MTCL1: variants seen among roughly 807,000 people sequenced by gnomAD.
MTCL1 encodes the protein microtubule cross-linking factor 1.
A neutral mutation model predicts 141.4 loss-of-function variants in MTCL1; 79 were observed. That is an observed-to-expected ratio of 0.56 (90% CI 0.47 to 0.67). The LOEUF (loss-of-function observed/expected upper bound fraction) is 0.67. Ranked by LOEUF, MTCL1 falls within the 30% of genes least tolerant of loss-of-function variation. The pLI is 0.00. For synonymous variants in MTCL1, 914 were observed against 875.8 expected, an observed-to-expected ratio of 1.04 and a Z score of -0.77; for missense variants, 2,177 against 2,113.9, an observed-to-expected ratio of 1.03 and a Z score of -0.59.
chr18:8,740,291 C>T (rs534135809), intron 4 of MTCL1, among the ~76,000 whole-genome samples: 11 of 152,268 alleles, frequency 7.2e-5, no homozygotes, highest in Non-Finnish European at 1.3e-4. Flanking sequence ...AGCTCTCTTA[C>T]TCCTATGTGT....
At chr18:8,780,474 T>C (rs1023933182) in intron 5 of MTCL1, among the ~76,000 whole-genome samples, 3 of 152,230 alleles carry the variant, frequency 2.0e-5, no homozygotes, top group African/African-American at 7.2e-5. Context: ...TGAGTTTCCT[T>C]GCAGCTGGAC....
At chr18:8,729,227 C>T (rs1356658374) in intron 4 of MTCL1, among the ~76,000 whole-genome samples, 7 of 140,334 alleles carry the variant, frequency 5.0e-5, no homozygotes, top group Non-Finnish European at 7.7e-5. Flanking sequence ...AGCTAATTTC[C>T]GTATTTTTTG....
At chr18:8,757,570 A>G (rs1205044167) in intron 4 of MTCL1, among the ~76,000 whole-genome samples, 1 of 152,182 alleles carries the variant, frequency 6.6e-6, no homozygotes, top group Non-Finnish European at 1.5e-5. Flanking sequence ...GTCACTGACA[A>G]TCAGTCAGCA....
upstream of MTCL1, among the ~76,000 whole-genome samples, chr18:8,714,411 C>T (rs2096113424): frequency 6.6e-6 from 1 of 152,090 alleles, no homozygotes; most frequent in African/African-American, 2.4e-5. Context: ...TAAATACATG[C>T]CGTTATGGTG....
At chr18:8,773,022 A>G in intron 4 of MTCL1, among the ~76,000 whole-genome samples, 2 of 152,338 alleles carry the variant, frequency 1.3e-5, no homozygotes, top group East Asian at 3.9e-4. Context: ...TGAGATGAGC[A>G]TATCAAAACA....
rs2076891098 is a variant in MTCL1, at chr18:8,822,883, TCAAA to T, written c.3188+1386_3188+1389del. On this transcript the variant is annotated intron_variant, in intron 14 of 16. Transcript: ENST00000359865. This position sits in a 1 kb window ranked among gnomAD's most constrained non-coding sequence, Gnocchi z 4.6. Reference sequence around the variant, plus strand: ...ACTCAAGCCATCAACTTTTATGCTTTCAAAAGTAACACATGCTTGTTATAAAATG... The same window carrying T: ...ACTCAAGCCATCAACTTTTATGCTTTAGTAACACATGCTTGTTATAAAATG... Among the ~76,000 whole-genome samples, 2 of 152,072 alleles carry T rather than the reference TCAAA, an allele frequency of 1.3e-5. No individual in the cohort carries two copies. Among genetic ancestry groups the T allele is most frequent in the African/African-American group, 4.8e-5 (2 of 41,390 alleles).
At chr18:8,820,912 A>G (rs1043230714) in intron 13 of MTCL1, among the ~76,000 whole-genome samples, 1 of 152,204 alleles carries the variant, frequency 6.6e-6, no homozygotes, top group Non-Finnish European at 1.5e-5. Context: ...CACAGCTATC[A>G]TTCTTCTTAA....
chr18:8,776,841 A>G (rs1474453230), intron 4 of MTCL1, among the ~76,000 whole-genome samples: 3 of 152,072 alleles, frequency 2.0e-5, no homozygotes, highest in East Asian at 3.8e-4. Flanking sequence ...AGCTCATTGC[A>G]GCCTCGAACT....
intron 1 of MTCL1, among the ~76,000 whole-genome samples, chr18:8,709,132 C>A (rs1308250285): frequency 6.6e-6 from 1 of 152,134 alleles, no homozygotes; most frequent in East Asian, 1.9e-4. Flanking sequence ...TGGTGGTTAG[C>A]GTGTGCCCTT....
chr18:8,817,545 A>G (rs567682445), intron 12 of MTCL1, among the ~76,000 whole-genome samples: 1 of 152,264 alleles, frequency 6.6e-6, no homozygotes, highest in Non-Finnish European at 1.5e-5. Context: ...ACTGTCTCAT[A>G]TGGCTTTCTT....
intron 3 of MTCL1, 141 bp from the exon 3 acceptor site, chr18:8,720,197 T>G (rs2096160051): frequency 2.7e-6 from 2 of 738,412 alleles, no homozygotes; most frequent in East Asian, 5.3e-5. Flanking sequence ...CTTTTAACAA[T>G]AAGTCAGTTG....
intron 1 of MTCL1, chr18:8,717,796 C>A: frequency 1.6e-6 from 1 of 634,100 alleles, no homozygotes; most frequent in Non-Finnish European, 2.0e-6. Context: ...AGGGTGCATT[C>A]CTGTGGACAG....
chr18:8,763,606 C>G (rs928419410), intron 4 of MTCL1, among the ~76,000 whole-genome samples: 2 of 152,218 alleles, frequency 1.3e-5, no homozygotes, highest in African/African-American at 4.8e-5. Flanking sequence ...CTTTGCTTCA[C>G]GCTTCTACAT....
intron 4 of MTCL1, among the ~76,000 whole-genome samples, chr18:8,741,362 TG>T (rs1468109031): frequency 2.0e-5 from 3 of 152,242 alleles, no homozygotes; most frequent in Non-Finnish European, 4.4e-5. Context: ...GTTCAGCTTC[TG>T]CTTTCCTAAC....
chr18:8,805,356 G>A (rs2076264056), intron 10 of MTCL1, among the ~76,000 whole-genome samples: 1 of 152,162 alleles, frequency 6.6e-6, no homozygotes, highest in Admixed American at 6.5e-5. Context: ...AGAACATGCG[G>A]TATTTGGTTT....
intron 9 of MTCL1, among the ~76,000 whole-genome samples, chr18:8,796,854 G>T (rs2075942782): frequency 6.6e-6 from 1 of 152,178 alleles, no homozygotes; most frequent in South Asian, 2.1e-4. Flanking sequence ...GGTGCTGTTG[G>T]TTGCCTACTC....
At chr18:8,711,929 G>A (rs573319281) in intron 1 of MTCL1, among the ~76,000 whole-genome samples, 3 of 152,128 alleles carry the variant, frequency 2.0e-5, no homozygotes, top group East Asian at 1.9e-4. Context: ...TGTTTTGCTC[G>A]AGTGCTCGGA....
intron 4 of MTCL1, among the ~76,000 whole-genome samples, chr18:8,747,880 C>T (rs1382347975): frequency 1.3e-5 from 2 of 152,154 alleles, no homozygotes; most frequent in Admixed American, 6.5e-5. Flanking sequence ...GATGGATAGC[C>T]TCAGCAGCCC....
At chr18:8,806,864 T>A in intron 10 of MTCL1, 29 bp from the exon 10 acceptor site, 3 of 1,603,042 alleles carry the variant, frequency 1.9e-6, no homozygotes, top group Non-Finnish European at 2.6e-6. Flanking sequence ...TTAAAGGAGG[T>A]GGTGGAGCCT....
Sources: gnomAD v4.1 joint callset for allele counts (sites outside exome capture counted in the v4.1 genomes callset) on GRCh38, gnomAD v4.1.1 for gene constraint, Gnocchi (gnomAD v3.1) non-coding constraint, MANE v1.5 for transcripts, NCBI Gene and HGNC (gene_info 2026-07-23, HGNC 2026-07-21) for gene names.